PTPRN2: variants seen among roughly 807,000 people sequenced by gnomAD.
PTPRN2 encodes the protein receptor-type tyrosine-protein phosphatase N2.
Under a neutral mutation model 118.8 loss-of-function variants are expected in PTPRN2, and 74 were observed. The ratio of observed to expected loss-of-function variants is 0.62; its 90% CI spans 0.52 to 0.76. PTPRN2 has a LOEUF of 0.76. PTPRN2 is among the 30% of genes least tolerant of loss of function. The pLI is 0.00. For synonymous variants in PTPRN2, 641 were observed against 608.0 expected, an observed-to-expected ratio of 1.05 and a Z score of -0.80; for missense variants, 1,481 against 1,394.4, an observed-to-expected ratio of 1.06 and a Z score of -0.99.
rs1256603958 is a variant in PTPRN2, at chr7:158,317,465, T to TGGGACTAATG, written c.164-543_164-534dup. 8.5e-5 allele frequency among the ~76,000 whole-genome samples: 13 copies of TGGGACTAATG among 152,228 alleles called. No homozygotes were observed. The East Asian group carries it at 2.5e-3, about 29-fold the overall frequency. On this transcript the variant is annotated intron_variant, in intron 2 of 22. Transcript: ENST00000389418. ...AGAGGCGCGGGGCTGGCGAACGGTG[T>TGGGACTAATG]GGGACTAATGGGGACTAATTTATTT...
At position 158,034,496 on chromosome 7, in the gene PTPRN2, C is replaced by T. The variant is rs575086076; in HGVS notation, c.1723+46802G>A. Among the ~76,000 whole-genome samples, 177 of 152,308 alleles carry T rather than the reference C, an allele frequency of 1.2e-3. 2 individuals are homozygous for T. The highest frequency in any genetic ancestry group is 3.4e-3 in the Middle Eastern group (1 of 294). ...AAGGGGGAGTTTCCCTGCACTTTGC[C>T]TGCTGCCATCCATGTAAGACGGGAC... On this transcript the variant is annotated intron_variant, in intron 11 of 22. Coordinates refer to ENST00000389418, the MANE Select transcript of PTPRN2 (RefSeq NM_002847.5).
chr7:157,596,251 A>G lies in PTPRN2; in HGVS notation c.2419-936T>C, dbSNP rs892466912. Among the ~76,000 whole-genome samples the G allele has an allele frequency of 2.0e-5, 3 of 152,142 alleles. No individual in the cohort carries two copies. Among genetic ancestry groups the G allele is most frequent in the Non-Finnish European group, 4.4e-5 (3 of 68,018 alleles). On this transcript the variant is annotated intron_variant, in intron 16 of 22. Coordinates refer to ENST00000389418, the MANE Select transcript of PTPRN2 (RefSeq NM_002847.5). The surrounding 1 kb of genome is among the most constrained non-coding windows in gnomAD (Gnocchi z 4.2). ...GGGCTTGTTTTTGTGTATCCTGGAA[A>G]GGGGGCACAGGCACAGCCGGTCAGC...
At chr7:157,921,109 G>A (rs1172880520) in intron 11 of PTPRN2, among the ~76,000 whole-genome samples, 3 of 152,194 alleles carry the variant, frequency 2.0e-5, no homozygotes, top group South Asian at 2.1e-4. Context: ...TGGATCAACC[G>A]TGGTGTATCC....
At chr7:158,224,905 G>T (rs1828637690) in intron 3 of PTPRN2, among the ~76,000 whole-genome samples, 1 of 152,082 alleles carries the variant, frequency 6.6e-6, no homozygotes, top group Non-Finnish European at 1.5e-5. Context: ...GAAAAAGGGT[G>T]AGAGATGAAA....
chr7:158,298,100 C>T (rs978920684), intron 3 of PTPRN2, among the ~76,000 whole-genome samples: 2 of 152,052 alleles, frequency 1.3e-5, no homozygotes, highest in African/African-American at 4.8e-5. Flanking sequence ...TAATTGTGTA[C>T]TTATGCCCTT....
At chr7:158,274,344 A>AGGAGCCGCAGACACAGGGG (rs11402798) in intron 3 of PTPRN2, among the ~76,000 whole-genome samples, 6 of 112,824 alleles carry the variant, frequency 5.3e-5, no homozygotes, top group East Asian at 2.7e-4. Flanking sequence ...CAGACGCGGG[A>AGGAGCCGCAGACACAGGGG]GAGCCACAGA....
At chr7:158,366,574 C>T (rs1415162732) in intron 2 of PTPRN2, among the ~76,000 whole-genome samples, 1 of 152,244 alleles carries the variant, frequency 6.6e-6, no homozygotes, top group African/African-American at 2.4e-5. Flanking sequence ...AACAAGCCCA[C>T]AGCGCCTTGT....
intron 3 of PTPRN2, among the ~76,000 whole-genome samples, chr7:158,312,425 CACA>C (rs1801898273): frequency 1.9e-5 from 2 of 107,248 alleles, no homozygotes; most frequent in Non-Finnish European, 4.1e-5. Context: ...GACATACACA[CACA>C]TGCACACACC....
chr7:157,759,760 G>A (rs1310474844), intron 12 of PTPRN2, among the ~76,000 whole-genome samples: 4 of 152,206 alleles, frequency 2.6e-5, no homozygotes, highest in South Asian at 2.1e-4. Context: ...GAGAATGGTC[G>A]CCTGGGCAGC....
At chr7:158,512,274 C>T in intron 1 of PTPRN2, among the ~76,000 whole-genome samples, 1 of 152,184 alleles carries the variant, frequency 6.6e-6, no homozygotes, top group East Asian at 1.9e-4. Flanking sequence ...CAAGAGGTAC[C>T]AGCTAGCAAT....
chr7:157,712,546 T>C (rs1003968129), intron 12 of PTPRN2, among the ~76,000 whole-genome samples: 3 of 149,736 alleles, frequency 2.0e-5, no homozygotes, highest in African/African-American at 7.4e-5. Context: ...AGGTCAGGAG[T>C]TTAAGACCAG....
chr7:158,228,846 G>A (rs935674810), intron 3 of PTPRN2, among the ~76,000 whole-genome samples: 4 of 152,016 alleles, frequency 2.6e-5, no homozygotes, highest in African/African-American at 4.8e-5. Context: ...TCAACCCATG[G>A]GAAGCGCTGC....
At chr7:157,855,588 T>C (rs1809651362) in intron 12 of PTPRN2, among the ~76,000 whole-genome samples, 1 of 152,154 alleles carries the variant, frequency 6.6e-6, no homozygotes, top group African/African-American at 2.4e-5. Flanking sequence ...CCTGCTGTGA[T>C]GTAGTGATGG....
At chr7:158,081,138 T>G (rs1812787335) in intron 11 of PTPRN2, among the ~76,000 whole-genome samples, 160 bp downstream of exon 11, 1 of 152,194 alleles carries the variant, frequency 6.6e-6, no homozygotes, top group Non-Finnish European at 1.5e-5. Context: ...GTCCCCTCAC[T>G]GCACACCAGA....
intron 11 of PTPRN2, among the ~76,000 whole-genome samples, chr7:157,949,313 T>C (rs1315261285): frequency 6.6e-6 from 1 of 152,268 alleles, no homozygotes; most frequent in Non-Finnish European, 1.5e-5. Flanking sequence ...GAATTGTTCA[T>C]TTTTAAGTGG....
intron 15 of PTPRN2, among the ~76,000 whole-genome samples, chr7:157,605,911 C>G (rs138332943): frequency 2.0e-5 from 3 of 152,368 alleles, no homozygotes; most frequent in African/African-American, 7.2e-5. Context: ...AGCCTTCAAA[C>G]CCTCCCTGGC....
At chr7:157,790,565 G>C (rs543517801) in intron 12 of PTPRN2, among the ~76,000 whole-genome samples, 65 of 152,264 alleles carry the variant, frequency 4.3e-4, no homozygotes, top group African/African-American at 1.5e-3. Context: ...TTTCAAACCC[G>C]TGGGTACAGA....
At chr7:158,234,357 G>A (rs1327107919) in intron 3 of PTPRN2, among the ~76,000 whole-genome samples, 1 of 149,132 alleles carries the variant, frequency 6.7e-6, no homozygotes, top group African/African-American at 2.5e-5. Context: ...TGGCCAACAG[G>A]TACAGTCATC....
Position 158,408,044 on chromosome 7 carries a change from T to C in PTPRN2, c.163+81691A>G, listed in dbSNP as rs150915480. Among the ~76,000 whole-genome samples, 261 of 152,310 alleles carry C rather than the reference T, an allele frequency of 1.7e-3. 1 individual carries two copies. The highest frequency in any genetic ancestry group is 6.1e-3 in the African/African-American group (253 of 41,552). On this transcript the variant is annotated intron_variant, in intron 2 of 22. Coordinates refer to ENST00000389418, the MANE Select transcript of PTPRN2 (RefSeq NM_002847.5). ...AAAGTCCCTCTTCATCTTCAGAAGT[T>C]GAAATAGGAAAGGAAAAGGCAACAC... is the stretch of plus-strand genomic sequence containing the variant.
Sources: gnomAD v4.1 joint callset for allele counts (sites outside exome capture counted in the v4.1 genomes callset) on GRCh38, gnomAD v4.1.1 for gene constraint, Gnocchi (gnomAD v3.1) non-coding constraint, MANE v1.5 for transcripts, NCBI Gene and HGNC (gene_info 2026-07-23, HGNC 2026-07-21) for gene names.